UBE2D2: variants seen among roughly 807,000 people sequenced by gnomAD.
UBE2D2 encodes ubiquitin conjugating enzyme E2 D2.
Under a neutral mutation model 24.2 loss-of-function variants are expected in UBE2D2, and 2 were observed. That is an observed-to-expected ratio of 0.08 (90% confidence interval 0.03 to 0.26). The LOEUF (loss-of-function observed/expected upper bound fraction) is 0.26. Among genes scored for constraint, UBE2D2 ranks in the 10% least tolerant of loss-of-function variants. The pLI is 1.00. For missense variants in UBE2D2, 44 were observed against 177.6 expected (o/e 0.25, Z 4.28); for synonymous variants, 58 against 56.5 (o/e 1.03, Z -0.12).
At chr5:139,625,749 C>T (rs538503824) in intron 6 of UBE2D2, among the ~76,000 whole-genome samples, 21 of 151,908 alleles carry the variant, frequency 1.4e-4, no homozygotes, top group South Asian at 2.1e-4. Flanking sequence ...GGATTACAGG[C>T]GCACATCACC....
chr5:139,543,407 C>T (rs1000892970), intron 1 of UBE2D2, among the ~76,000 whole-genome samples: 3 of 152,340 alleles, frequency 2.0e-5, no homozygotes, highest in Admixed American at 2.0e-4. Flanking sequence ...ATATCCATCT[C>T]TTTGGCCATT....
upstream of UBE2D2, among the ~76,000 whole-genome samples, chr5:139,557,202 C>T (rs261535): frequency 0.31 from 46,663 of 151,068 alleles, 8,699 homozygotes; most frequent in African/African-American, 0.53. Context: ...GGTGCAATCT[C>T]GACTCACTGC....
chr5:139,527,071 T>A (rs1465458515), intron 1 of UBE2D2, among the ~76,000 whole-genome samples: 1 of 152,022 alleles, frequency 6.6e-6, no homozygotes, highest in Non-Finnish European at 1.5e-5. Context: ...TAAAAAAAAA[T>A]TTCAAGATTT....
intron 2 of UBE2D2, among the ~76,000 whole-genome samples, chr5:139,609,700 T>A (rs765515068): frequency 5.1e-4 from 77 of 150,940 alleles, no homozygotes; most frequent in Non-Finnish European, 8.7e-4. Context: ...AAAAAAAAAA[T>A]TAATATTTTA....
intron 1 of UBE2D2, among the ~76,000 whole-genome samples, chr5:139,571,531 G>C (rs1753351799): frequency 6.6e-6 from 1 of 152,010 alleles, no homozygotes; most frequent in South Asian, 2.1e-4. Context: ...GTTAGATAAG[G>C]AAACAGTGGG....
At chr5:139,552,319 C>G (rs1050411429) in intron 1 of UBE2D2, among the ~76,000 whole-genome samples, 1 of 151,980 alleles carries the variant, frequency 6.6e-6, no homozygotes, top group Admixed American at 6.6e-5. Context: ...TGCACCACCA[C>G]GCCTGGCTAA....
intron 1 of UBE2D2, among the ~76,000 whole-genome samples, chr5:139,543,000 G>C (rs540447686): frequency 6.6e-6 from 1 of 152,070 alleles, no homozygotes; most frequent in African/African-American, 2.4e-5. Flanking sequence ...AGGTTCAAGC[G>C]ATTCTCCTGC....
At chr5:139,569,589 C>T (rs1256137742) in intron 1 of UBE2D2, among the ~76,000 whole-genome samples, 1 of 152,186 alleles carries the variant, frequency 6.6e-6, no homozygotes, top group Non-Finnish European at 1.5e-5. Context: ...GGCAAACCTT[C>T]AAAATCATGT....
At chr5:139,589,333 C>T (rs1007681028) in intron 1 of UBE2D2, among the ~76,000 whole-genome samples, 1 of 152,070 alleles carries the variant, frequency 6.6e-6, no homozygotes, top group Admixed American at 6.6e-5. Context: ...CCAAGGTGGG[C>T]GGATCACTTG....
Position 139,614,932 on chromosome 5 carries a change from A to G in UBE2D2, c.270A>G (p.Arg90=), listed in dbSNP as rs377650165. 14 of 1,613,906 alleles carry G rather than the reference A, an allele frequency of 8.7e-6. No individual in the cohort carries two copies. The highest frequency in any genetic ancestry group is 3.3e-5 in the Admixed American group (2 of 60,002). ...GCAGCATTTGTCTTGATATTCTACG[A>G]TCACAGTGGTCTCCAGCACTAACTA... ...SNGSICLDIL[R]SQWSPALTIS... The change falls in exon 5 of 7, where the codon CGA becomes CGG. Residue 90 remains arginine, a synonymous_variant. Transcript: ENST00000398733.
At chr5:139,531,439 G>A (rs1487278056) in intron 1 of UBE2D2, among the ~76,000 whole-genome samples, 1 of 152,044 alleles carries the variant, frequency 6.6e-6, no homozygotes, top group Non-Finnish European at 1.5e-5. Flanking sequence ...GCCCTTAAAA[G>A]GGACAGAAAT....
chr5:139,610,048 GGT>G (rs1272055079), intron 2 of UBE2D2, among the ~76,000 whole-genome samples: 1 of 152,026 alleles, frequency 6.6e-6, no homozygotes, highest in Non-Finnish European at 1.5e-5. Context: ...TGGGATTACA[GGT>G]GTGAGCCGCT....
At chr5:139,561,976 TG>T in intron 1 of UBE2D2, 161 bp downstream of exon 1, 4 of 1,050,748 alleles carry the variant, frequency 3.8e-6, no homozygotes, top group Non-Finnish European at 5.2e-6. Context: ...ATGGCGCCCG[TG>T]GAGGCCCCGG....
At chr5:139,613,329 A>G (rs1375878465) in intron 2 of UBE2D2, among the ~76,000 whole-genome samples, 2 of 152,152 alleles carry the variant, frequency 1.3e-5, no homozygotes, top group Admixed American at 1.3e-4. Flanking sequence ...GGGTTGTTCA[A>G]ATATAACCCC....
intron 1 of UBE2D2, among the ~76,000 whole-genome samples, chr5:139,548,193 A>AAAAAAAAAATAAAAAAATAAAAAT: frequency 1.1e-4 from 5 of 47,102 alleles, no homozygotes; most frequent in East Asian, 6.6e-4. Flanking sequence ...ATAAAAAAAA[A>AAAAAAAAAATAAAAAAATAAAAAT]AAATAAATAA....
chr5:139,605,591 C>CAAAA (rs70988710), intron 2 of UBE2D2, among the ~76,000 whole-genome samples: 466 of 44,510 alleles, frequency 0.01, no homozygotes, highest in Non-Finnish European at 0.011. Flanking sequence ...GACTCTGTCT[C>CAAAA]AAAAAAAAAA....
rs182997606 is a variant in UBE2D2 at position 139,540,505 on chromosome 5, C to T, written c.-64+13893C>T. 3.6e-3 allele frequency among the ~76,000 whole-genome samples: 499 copies of T among 140,282 alleles called. 4 individuals are homozygous for T. The highest frequency in any genetic ancestry group is 0.013 in the African/African-American group (485 of 36,210). 92.0% of individuals were successfully genotyped at this position (140,282 alleles called of 152,430 possible). A position where few individuals can be genotyped will look rare whatever the true frequency, so the allele number is the denominator to read the frequency against. On this transcript the variant is annotated intron_variant, in intron 1 of 6. Transcript: ENST00000511725. ...AGCTTGCAGTGAGCCAAGATTGTGCCACTGCACTCCAGCCTAGGCGACAGA... is the reference window on the plus strand; with the variant it reads ...AGCTTGCAGTGAGCCAAGATTGTGCTACTGCACTCCAGCCTAGGCGACAGA...
chr5:139,578,089 A>C (rs1191211208), intron 1 of UBE2D2, among the ~76,000 whole-genome samples: 1 of 152,100 alleles, frequency 6.6e-6, no homozygotes, highest in Non-Finnish European at 1.5e-5. Context: ...CTTCCCATCT[A>C]CCTGGCTATG....
At chr5:139,546,817 T>TCTTTCTTTCTTTCTTC (rs1203962652) in intron 1 of UBE2D2, among the ~76,000 whole-genome samples, 157 of 138,410 alleles carry the variant, frequency 1.1e-3, no homozygotes, top group Middle Eastern at 3.6e-3. Context: ...CTTCTTTCTT[T>TCTTTCTTTCTTTCTTC]CTTCCTTCCT....
Sources: gnomAD v4.1 joint callset for allele counts (sites outside exome capture counted in the v4.1 genomes callset) on GRCh38, gnomAD v4.1.1 for gene constraint, MANE v1.5 for transcripts, NCBI Gene and HGNC (gene_info 2026-07-23, HGNC 2026-07-21) for gene names.